Variants in ARID1B observed in about 807,000 individuals in gnomAD.
ARID1B encodes the protein AT-rich interaction domain 1B, also known as AT-rich interactive domain-containing protein 1B.
In ARID1B, 30 loss-of-function variants were observed where a neutral mutation model predicts 212.3. That is an observed-to-expected ratio of 0.14 (90% CI 0.11 to 0.19). The LOEUF (loss-of-function observed/expected upper bound fraction) is 0.19, where lower values mean the gene tolerates loss of function less well. Ranked by LOEUF, ARID1B falls within the 10% of genes least tolerant of loss-of-function variation. The pLI is 1.00. For synonymous variants in ARID1B, 1,402 were observed against 1,301.7 expected (o/e 1.08, Z -1.66); for missense variants, 2,891 against 3,204.0 (o/e 0.90, Z 2.36).
chr6:156,935,508 C>T lies in ARID1B; in HGVS notation c.2179C>T (p.Leu727=), dbSNP rs1792123249. 6 of 1,613,956 alleles carry T rather than the reference C, an allele frequency of 3.7e-6. No individual in the cohort carries two copies. The Middle Eastern group carries it at 4.9e-4, about 133-fold the overall frequency. ...EGYGTRSQPP[L]APGKPNHEDL... ...CTATGGAACTAGATCTCAACCTCCT[C>T]TGGCCCCCGGAAAACCTAACCATGA... The change falls in exon 4 of 20, where the codon CTG becomes TTG. Residue 727 remains leucine (L), a synonymous_variant. Transcript: ENST00000636930.
chr6:156,788,526 G>C (rs1290276971), intron 1 of ARID1B, among the ~76,000 whole-genome samples: 2 of 152,088 alleles, frequency 1.3e-5, no homozygotes, highest in Non-Finnish European at 2.9e-5. Flanking sequence ...AAAATGACTG[G>C]CTTTTTAGGA....
At chr6:157,060,400 A>G (rs775027408) in intron 4 of ARID1B, among the ~76,000 whole-genome samples, 4 of 152,168 alleles carry the variant, frequency 2.6e-5, no homozygotes, top group Admixed American at 1.3e-4. Context: ...CTCTGTTTGT[A>G]TGCAAACACG....
At chr6:156,992,433 T>C (rs1005499012) in intron 4 of ARID1B, among the ~76,000 whole-genome samples, 2 of 152,262 alleles carry the variant, frequency 1.3e-5, no homozygotes, top group African/African-American at 2.4e-5. Flanking sequence ...TCACAGCCTC[T>C]GAATTTAGAA....
Position 157,200,300 on chromosome 6 carries a change from G to T in ARID1B, c.4480-405G>T, listed in dbSNP as rs940460902. ...GGCCCAAGAAACCCTTTTACCCCAA[G>T]ACCCTTTCAGGCCGGCCCCTGGATG... On this transcript the variant is annotated intron_variant, in intron 17 of 19. Transcript: ENST00000636930. This position sits in a 1 kb window ranked among gnomAD's most constrained non-coding sequence, Gnocchi z 4.3. 6.6e-6 allele frequency among the ~76,000 whole-genome samples: 1 copy of T among 152,132 alleles called. No homozygotes were observed. The highest frequency in any genetic ancestry group is 2.4e-5 in the African/African-American group (1 of 41,450).
intron 4 of ARID1B, among the ~76,000 whole-genome samples, chr6:156,968,513 T>C (rs1318049838): frequency 1.3e-5 from 2 of 152,232 alleles, no homozygotes; most frequent in East Asian, 3.8e-4. Context: ...ATTCTCATCG[T>C]CTTTTTCATG....
At chr6:156,803,612 G>A (rs769068443) in intron 1 of ARID1B, among the ~76,000 whole-genome samples, 23 of 145,200 alleles carry the variant, frequency 1.6e-4, no homozygotes, top group Admixed American at 2.7e-4. Context: ...TTTTTTTCTT[G>A]CTTTCATTTT....
chr6:157,166,049 A>C (rs1307143792), intron 8 of ARID1B: 1 of 152,134 alleles, frequency 6.6e-6, no homozygotes, highest in African/African-American at 2.4e-5. Flanking sequence ...GAGTAGCCAA[A>C]ACTTTGAAAA....
chr6:156,934,627 A>T (rs1054734966), intron 3 of ARID1B, among the ~76,000 whole-genome samples: 3 of 152,038 alleles, frequency 2.0e-5, no homozygotes, highest in Non-Finnish European at 2.9e-5. Flanking sequence ...CTTAATAACG[A>T]TTTACGCTGT....
intron 7 of ARID1B, among the ~76,000 whole-genome samples, chr6:157,143,955 A>G (rs1789546556): frequency 6.6e-6 from 1 of 152,226 alleles, no homozygotes; most frequent in Non-Finnish European, 1.5e-5. Flanking sequence ...GCGCCTTTCT[A>G]AGCACAAGTG....
chr6:156,995,958 C>T (rs1369695999), intron 4 of ARID1B, among the ~76,000 whole-genome samples: 1 of 152,178 alleles, frequency 6.6e-6, no homozygotes, highest in African/African-American at 2.4e-5. Flanking sequence ...GAAGAGTCCT[C>T]TCTCCCTGTG....
chr6:156,776,730 A>C (rs1778643301), upstream of ARID1B: 1 of 152,264 alleles, frequency 6.6e-6, no homozygotes, highest in African/African-American at 2.4e-5. Flanking sequence ...GCCTTCAAAA[A>C]GAGTTATGTA....
At chr6:156,972,676 C>T (rs1777006973) in intron 4 of ARID1B, among the ~76,000 whole-genome samples, 2 of 152,138 alleles carry the variant, frequency 1.3e-5, no homozygotes, top group African/African-American at 4.8e-5. Context: ...AACCCTCATT[C>T]TCCCCTTGGT....
intron 7 of ARID1B, among the ~76,000 whole-genome samples, chr6:157,145,161 T>C (rs771317640): frequency 6.6e-6 from 1 of 152,216 alleles, no homozygotes; most frequent in Non-Finnish European, 1.5e-5. Flanking sequence ...TGTTCGGGAC[T>C]AAGGAAGCTG....
intron 4 of ARID1B, among the ~76,000 whole-genome samples, chr6:157,082,876 AC>A (rs1784725444): frequency 6.6e-6 from 1 of 152,214 alleles, no homozygotes; most frequent in Non-Finnish European, 1.5e-5. Context: ...TTAGCAGAAG[AC>A]ATTTTGTTTT....
chr6:157,029,626 G>C (rs765191821), intron 4 of ARID1B, among the ~76,000 whole-genome samples: 1 of 152,350 alleles, frequency 6.6e-6, no homozygotes, highest in Admixed American at 6.5e-5. Context: ...TGGTACGACA[G>C]GACTGGCCAT....
At chr6:156,964,122 C>T (rs1794582692) in intron 4 of ARID1B, among the ~76,000 whole-genome samples, 1 of 152,238 alleles carries the variant, frequency 6.6e-6, no homozygotes, top group African/African-American at 2.4e-5. Context: ...TTCCCCAAAG[C>T]CTGTCATCAT....
At chr6:157,069,887 G>A (rs539371798) in intron 4 of ARID1B, among the ~76,000 whole-genome samples, 30 of 152,274 alleles carry the variant, frequency 2.0e-4, no homozygotes, top group South Asian at 6.2e-4. Context: ...GCATTCCAGC[G>A]TCCTAGCCTA....
chr6:156,861,385 G>A (rs2128128287), intron 2 of ARID1B, among the ~76,000 whole-genome samples: 1 of 152,270 alleles, frequency 6.6e-6, no homozygotes, highest in Middle Eastern at 3.4e-3. Flanking sequence ...TGAATTGCTG[G>A]ACACAGGATT....
chr6:156,823,349 G>A (rs1283730930), intron 1 of ARID1B, among the ~76,000 whole-genome samples: 1 of 152,090 alleles, frequency 6.6e-6, no homozygotes, highest in Non-Finnish European at 1.5e-5. Flanking sequence ...TTCTCCTTTA[G>A]TGAATGAGAA....
Sources: allele counts gnomAD v4.1 joint callset (sites outside exome capture counted in the v4.1 genomes callset), GRCh38; gene constraint gnomAD v4.1.1; non-coding constraint Gnocchi (gnomAD v3.1); transcripts MANE v1.5; gene names NCBI Gene and HGNC (gene_info 2026-07-23, HGNC 2026-07-21).